PPM1H: variants seen among roughly 807,000 people sequenced by gnomAD.
PPM1H encodes protein phosphatase 1H.
In PPM1H, 27 loss-of-function variants were observed where a neutral mutation model predicts 54.9. The ratio of observed to expected loss-of-function variants is 0.49; its 90% confidence interval spans 0.36 to 0.68. The LOEUF (loss-of-function observed/expected upper bound fraction) is 0.68. Ranked by LOEUF, PPM1H falls within the 30% of genes least tolerant of loss-of-function variation. PPM1H has a pLI of 0.00. For missense variants in PPM1H, 596 were observed against 667.8 expected (o/e 0.89, Z 1.19); for synonymous variants, 305 against 270.8 (o/e 1.13, Z -1.24).
intron 8 of PPM1H, among the ~76,000 whole-genome samples, chr12:62,675,319 C>A (rs1374150269): frequency 6.6e-6 from 1 of 152,122 alleles, no homozygotes; most frequent in East Asian, 1.9e-4. Flanking sequence ...ATAAACATTC[C>A]ATTTTTTAAC....
rs376436305 is a variant in PPM1H, at chr12:62,671,643, A to G, written c.1246-4314T>C. Among the ~76,000 whole-genome samples, 3 of 152,342 alleles carry G rather than the reference A, an allele frequency of 2.0e-5. No homozygotes were observed. The East Asian group carries it at 5.8e-4, about 29-fold the overall frequency. On this transcript the variant is annotated intron_variant, in intron 8 of 9. Coordinates refer to ENST00000228705, the MANE Select transcript of PPM1H (RefSeq NM_020700.2). ...AATCCAGCATGGTAAGGAGAACAAT[A>G]GAGTCATTTTAGAAGATGAGGTCAT...
intron 4 of PPM1H, among the ~76,000 whole-genome samples, chr12:62,758,664 G>C (rs1355420083): frequency 6.6e-6 from 1 of 151,822 alleles, no homozygotes; most frequent in Non-Finnish European, 1.5e-5. Flanking sequence ...CCTTCCAACT[G>C]TGGAGGAAAA....
In PPM1H at chr12:62,736,820, G is replaced by A. The variant is rs114437018; in HGVS notation, c.954+682C>T. On this transcript the variant is annotated intron_variant, in intron 5 of 9. Coordinates refer to ENST00000228705, the MANE Select transcript of PPM1H (RefSeq NM_020700.2). ...AGAGGTATCTGCCCCAAGGCCACCT[G>A]GGATGATTACCAGAGTCACTTTAAA... Among the ~76,000 whole-genome samples, 421 of 152,252 alleles carry A rather than the reference G, an allele frequency of 2.8e-3. 2 individuals are homozygous for A. Among genetic ancestry groups the A allele is most frequent in the African/African-American group, 9.6e-3 (399 of 41,538 alleles).
At chr12:62,695,910 G>T (rs745370908) in intron 6 of PPM1H, among the ~76,000 whole-genome samples, 1 of 152,142 alleles carries the variant, frequency 6.6e-6, no homozygotes, top group Non-Finnish European at 1.5e-5. Flanking sequence ...AGACAGGCCC[G>T]CACAGAGAGG....
In PPM1H at chr12:62,722,428, C is replaced by T. The variant is rs562174246; in HGVS notation, c.955-2139G>A. 2.0e-5 allele frequency among the ~76,000 whole-genome samples: 3 copies of T among 152,286 alleles called. No homozygotes were observed. In the South Asian group the frequency reaches 6.2e-4, roughly 32 times the overall value. On this transcript the variant is annotated intron_variant, in intron 5 of 9. Coordinates refer to ENST00000228705, the MANE Select transcript of PPM1H (RefSeq NM_020700.2). ...CACTACATCCTGGAGAGGTTAAGAC[C>T]TAGCCCGAGGTCATTCGCCCAAGAC... is the stretch of plus-strand genomic sequence containing the variant.
At chr12:62,820,074 T>C (rs1167681415) in intron 2 of PPM1H, among the ~76,000 whole-genome samples, 1 of 152,230 alleles carries the variant, frequency 6.6e-6, no homozygotes, top group Non-Finnish European at 1.5e-5. Context: ...CCCGCCCAAA[T>C]ACTGCGCTTT....
intron 1 of PPM1H, among the ~76,000 whole-genome samples, chr12:62,883,386 C>G (rs556111530): frequency 9.9e-5 from 15 of 152,190 alleles, no homozygotes; most frequent in African/African-American, 3.6e-4. Flanking sequence ...GACTCAGTGG[C>G]CTTTAATCTG....
At chr12:62,785,000 C>A (rs1305076505) in intron 4 of PPM1H, among the ~76,000 whole-genome samples, 1 of 152,096 alleles carries the variant, frequency 6.6e-6, no homozygotes, top group East Asian at 1.9e-4. Context: ...GATACTGGGA[C>A]TAGAATACTG....
Position 62,720,307 on chromosome 12 carries a change from AAG to A in PPM1H, c.955-20_955-19del. On this transcript the variant is annotated intron_variant, in intron 5 of 9. Transcript: ENST00000228705. The stretch of plus-strand genomic sequence containing the variant: ...ATGAATGCCTAATAGCAAAAAGAAA[AAG>A]AAAAAACACACACATACACGTATTT... The A allele has an allele frequency of 6.5e-7, 1 of 1,548,968 alleles. No individual in the cohort carries two copies. The highest frequency in any genetic ancestry group is 8.9e-7 in the Non-Finnish European group (1 of 1,121,832).
intron 1 of PPM1H, among the ~76,000 whole-genome samples, chr12:62,921,096 T>C (rs1303135968): frequency 6.6e-6 from 1 of 152,040 alleles, no homozygotes; most frequent in Non-Finnish European, 1.5e-5. Context: ...AGCTAGTTTT[T>C]GTATTTTTAG....
chr12:62,694,025 A>T (rs530090263), intron 6 of PPM1H, 26 bp from the exon 7 acceptor site: 38 of 1,599,048 alleles, frequency 2.4e-5, no homozygotes, highest in Non-Finnish European at 3.2e-5. Context: ...AACATTTTAA[A>T]AAAGGTTTGC....
intron 1 of PPM1H, among the ~76,000 whole-genome samples, chr12:62,900,128 G>A (rs1201022353): frequency 6.6e-6 from 1 of 152,126 alleles, no homozygotes; most frequent in African/African-American, 2.4e-5. Context: ...CAGCTCAAAT[G>A]GACTAACACC....
At chr12:62,777,508 C>T (rs186105860) in intron 4 of PPM1H, among the ~76,000 whole-genome samples, 2 of 152,298 alleles carry the variant, frequency 1.3e-5, no homozygotes, top group East Asian at 3.9e-4. Context: ...TATACTTTAT[C>T]TTCTAACTAT....
chr12:62,750,260 C>A (rs2076435077), intron 4 of PPM1H, among the ~76,000 whole-genome samples: 1 of 152,176 alleles, frequency 6.6e-6, no homozygotes, highest in Admixed American at 6.5e-5. Context: ...ATACCCTGTA[C>A]TTTTTAGTAG....
chr12:62,890,729 C>CACACAA, intron 1 of PPM1H, among the ~76,000 whole-genome samples: 1 of 143,024 alleles, frequency 7.0e-6, no homozygotes, highest in Non-Finnish European at 1.5e-5. Flanking sequence ...CACACACACA[C>CACACAA]ACACACACAC....
chr12:62,828,206 C>A (rs1383473170), intron 2 of PPM1H, among the ~76,000 whole-genome samples: 2 of 152,142 alleles, frequency 1.3e-5, no homozygotes, highest in Non-Finnish European at 2.9e-5. Context: ...TGTCCAGTGT[C>A]CTCTGCTAGT....
intron 4 of PPM1H, among the ~76,000 whole-genome samples, chr12:62,761,775 G>A (rs529635704): frequency 5.2e-4 from 79 of 152,280 alleles, no homozygotes; most frequent in Admixed American, 9.8e-4. Flanking sequence ...AATAGGCTGC[G>A]GTAAGAGTCA....
chr12:62,905,346 G>C (rs1406823793), intron 1 of PPM1H, among the ~76,000 whole-genome samples: 6 of 152,172 alleles, frequency 3.9e-5, no homozygotes, highest in African/African-American at 1.4e-4. Flanking sequence ...GTGGCTAGTA[G>C]GAAGATAGAA....
chr12:62,672,536 G>A (rs1212000467), intron 8 of PPM1H, among the ~76,000 whole-genome samples: 1 of 152,192 alleles, frequency 6.6e-6, no homozygotes, highest in Non-Finnish European at 1.5e-5. Context: ...AGTCTTGATT[G>A]TACAGATCTG....
Sources: gnomAD v4.1 joint callset for allele counts (sites outside exome capture counted in the v4.1 genomes callset) on GRCh38, gnomAD v4.1.1 for gene constraint, MANE v1.5 for transcripts, NCBI Gene and HGNC (gene_info 2026-07-23, HGNC 2026-07-21) for gene names.